The following RBFOX3 variants were observed in gnomAD, a reference collection of about 807,000 sequenced individuals.
RBFOX3 encodes RNA binding protein fox-1 homolog 3.
In RBFOX3, 17 loss-of-function variants were observed where a neutral mutation model predicts 48.7. That is an observed-to-expected ratio of 0.35 (90% confidence interval 0.24 to 0.52). The LOEUF is 0.52. Ranked by LOEUF, RBFOX3 falls within the 20% of genes least tolerant of loss-of-function variation. The pLI is 0.94. For synonymous variants in RBFOX3, 212 were observed against 209.5 expected (o/e 1.01, Z -0.10); for missense variants, 382 against 497.5 (o/e 0.77, Z 2.21).
chr17:79,567,206 C>G (rs1378203367), intron 1 of RBFOX3, among the ~76,000 whole-genome samples: 3 of 101,732 alleles, frequency 2.9e-5, no homozygotes, highest in African/African-American at 1.1e-4. Context: ...TTTTTTGAGA[C>G]AGGGTCTCAC....
rs1039338257 is a variant in RBFOX3, at chr17:79,360,587, C to T, written c.-174-52763G>A. 7.9e-5 allele frequency among the ~76,000 whole-genome samples: 12 copies of T among 152,236 alleles called. No individual in the cohort carries two copies. The East Asian group carries it at 1.3e-3, about 17-fold the overall frequency. On this transcript the variant is annotated intron_variant, in intron 2 of 14. Coordinates refer to ENST00000693108, the MANE Select transcript of RBFOX3 (RefSeq NM_001350451.2). ...AATGGGACAAGCTCTCACCGCTGCC[C>T]GTGGAGGGATACCTGGCTGGGACTC...
At chr17:79,534,090 G>A (rs2088289636) in intron 1 of RBFOX3, among the ~76,000 whole-genome samples, 2 of 152,254 alleles carry the variant, frequency 1.3e-5, no homozygotes, top group South Asian at 4.1e-4. Flanking sequence ...GAGGGCAGGA[G>A]AGGAAATTTT....
chr17:79,592,107 G>A (rs1301461497), intron 1 of RBFOX3, among the ~76,000 whole-genome samples: 1 of 151,356 alleles, frequency 6.6e-6, no homozygotes, highest in East Asian at 2.0e-4. Flanking sequence ...ATGTGTGTGT[G>A]TGTAGTGTGT....
At chr17:79,653,763 G>GT in the RBFOX3 span, among the ~76,000 whole-genome samples, 1 of 1,152 alleles carries the variant, frequency 8.7e-4, no homozygotes, top group Non-Finnish European at 1.8e-3. Flanking sequence ...TGCATGTCGT[G>GT]GTTTTTTTTT....
At chr17:79,433,434 G>A (rs2068825294) in intron 2 of RBFOX3, among the ~76,000 whole-genome samples, 2 of 152,234 alleles carry the variant, frequency 1.3e-5, no homozygotes, top group African/African-American at 4.8e-5. Context: ...GGAAGCAAGT[G>A]TATTACTCCA....
At chr17:79,453,250 C>A in intron 2 of RBFOX3, among the ~76,000 whole-genome samples, 1 of 152,246 alleles carries the variant, frequency 6.6e-6, no homozygotes, top group East Asian at 1.9e-4. Flanking sequence ...CACCCTAAGT[C>A]CAGAGCGATG....
At position 79,205,689 on chromosome 17, in the gene RBFOX3, A is replaced by C. The variant is rs543070118; in HGVS notation, c.-34+30077T>G. ...AGAGTGGGTGATGGTGGATTACTGG[A>C]AACTTCACCAAGCAGCAGCCTCCAA... On this transcript the variant is annotated intron_variant, in intron 4 of 14. Transcript: ENST00000693108. The surrounding 1 kb of genome is among the most constrained non-coding windows in gnomAD (Gnocchi z 4.5). Among the ~76,000 whole-genome samples the C allele has an allele frequency of 6.6e-6, 1 of 152,306 alleles. No individual in the cohort carries two copies. The highest frequency in any genetic ancestry group is 2.1e-4 in the South Asian group (1 of 4,816).
intron 4 of RBFOX3, among the ~76,000 whole-genome samples, chr17:79,148,582 C>T (rs560305160): frequency 1.3e-4 from 20 of 152,362 alleles, no homozygotes; most frequent in African/African-American, 4.1e-4. Context: ...TCTGGGTATC[C>T]GCTTCCTAGT....
chr17:79,446,300 C>T (rs2072278894), intron 2 of RBFOX3, among the ~76,000 whole-genome samples: 1 of 152,326 alleles, frequency 6.6e-6, no homozygotes, highest in East Asian at 1.9e-4. Context: ...TCTCTCTGCT[C>T]TAAGCAGGAC....
chr17:79,119,444 G>T (rs1157409693), intron 4 of RBFOX3, among the ~76,000 whole-genome samples: 1 of 152,208 alleles, frequency 6.6e-6, no homozygotes, highest in East Asian at 1.9e-4. Context: ...ACCCCAGAGA[G>T]CAGCACTGGC....
intron 10 of RBFOX3, 130 bp from the exon 11 acceptor site, chr17:79,097,554 T>G: frequency 9.5e-7 from 1 of 1,054,568 alleles, no homozygotes; most frequent in Non-Finnish European, 1.2e-6. Context: ...CCCGGAGCGC[T>G]ACTCAGTCAA....
At chr17:79,401,173 A>G (rs1314273689) in intron 2 of RBFOX3, among the ~76,000 whole-genome samples, 1 of 152,134 alleles carries the variant, frequency 6.6e-6, no homozygotes, top group Non-Finnish European at 1.5e-5. Context: ...ATCAATTCCT[A>G]CAGGAACGAT....
chr17:79,376,255 A>G (rs1048074012), intron 2 of RBFOX3, among the ~76,000 whole-genome samples: 5 of 152,148 alleles, frequency 3.3e-5, no homozygotes, highest in Non-Finnish European at 5.9e-5. Flanking sequence ...GACTGGTTGG[A>G]ATGAAATGAT....
At chr17:79,619,327 G>T in the RBFOX3 span, among the ~76,000 whole-genome samples, 5 of 152,314 alleles carry the variant, frequency 3.3e-5, no homozygotes, top group South Asian at 4.1e-4. Context: ...AGTTCTGGAG[G>T]CCAGGTGTTT....
chr17:79,356,375 T>TGTTTTTG (rs1598370621), intron 2 of RBFOX3, among the ~76,000 whole-genome samples: 1 of 105,960 alleles, frequency 9.4e-6, no homozygotes, highest in Non-Finnish European at 1.9e-5. Flanking sequence ...TTTTTTTTTT[T>TGTTTTTG]TTTTTTTTTT....
chr17:79,515,106 G>A (rs2085055772), intron 1 of RBFOX3, among the ~76,000 whole-genome samples: 1 of 152,170 alleles, frequency 6.6e-6, no homozygotes, highest in Non-Finnish European at 1.5e-5. Flanking sequence ...GGTAACATCT[G>A]GCCCCACCCA....
At position 79,595,555 on chromosome 17, in the gene RBFOX3, A is replaced by G. The variant is rs947094207; in HGVS notation, c.-320+15271T>C. On this transcript the variant is annotated intron_variant, in intron 1 of 14. Coordinates refer to ENST00000693108, the MANE Select transcript of RBFOX3 (RefSeq NM_001350451.2). ...TGCCTAAAACCCACCGTGTGTATGA[A>G]TAGGCCATTCTCTCTTGAACGCTTT... Among the ~76,000 whole-genome samples the G allele has an allele frequency of 5.7e-3, 873 of 152,316 alleles. 6 individuals are homozygous for G. Among genetic ancestry groups the G allele is most frequent in the African/African-American group, 0.018 (759 of 41,578 alleles).
In RBFOX3 at chr17:79,513,263, A is replaced by T. The variant is rs965871252; in HGVS notation, c.-319-30665T>A. 7.9e-5 allele frequency among the ~76,000 whole-genome samples: 12 copies of T among 152,168 alleles called. No homozygotes were observed. The East Asian group carries it at 2.1e-3, about 27-fold the overall frequency. ...TCAGGTACAGCCCCATGGCCAGGGGACACACACCCGAATGCATGTCACCAT... is the reference window on the plus strand; with the variant it reads ...TCAGGTACAGCCCCATGGCCAGGGGTCACACACCCGAATGCATGTCACCAT... On this transcript the variant is annotated intron_variant, in intron 1 of 14. Coordinates refer to ENST00000693108, the MANE Select transcript of RBFOX3 (RefSeq NM_001350451.2).
intron 12 of RBFOX3, 33 bp downstream of exon 12, chr17:79,096,620 T>TTGC: frequency 1.3e-6 from 2 of 1,502,346 alleles, no homozygotes; most frequent in Non-Finnish European, 1.8e-6. Context: ...GAACGCCTGA[T>TTGC]CCCACCCTCC....
Sources: allele counts gnomAD v4.1 joint callset (sites outside exome capture counted in the v4.1 genomes callset), GRCh38; gene constraint gnomAD v4.1.1; non-coding constraint Gnocchi (gnomAD v3.1); transcripts MANE v1.5; gene names NCBI Gene and HGNC (gene_info 2026-07-23, HGNC 2026-07-21).